CASQ1: variants seen among roughly 807,000 people sequenced by gnomAD.
CASQ1 encodes the protein calsequestrin 1.
CASQ1 carries 40 observed loss-of-function variants against 49.5 expected under a neutral mutation model. That is an observed-to-expected ratio of 0.81 (90% CI 0.63 to 1.05). CASQ1 has a LOEUF of 1.05. Ranked by LOEUF, CASQ1 falls within the 50% of genes least tolerant of loss-of-function variation. The pLI, the probability that CASQ1 is intolerant of heterozygous loss-of-function variation, is 0.00. For synonymous variants in CASQ1, 174 were observed against 187.2 expected, an observed-to-expected ratio of 0.93 and a Z score of 0.58; for missense variants, 469 against 486.9, an observed-to-expected ratio of 0.96 and a Z score of 0.35.
At chr1:160,197,409 G>A (rs563605947) in intron 6 of CASQ1, among the ~76,000 whole-genome samples, 160 bp from the exon 7 acceptor site, 106 of 152,172 alleles carry the variant, frequency 7.0e-4, no homozygotes, top group Non-Finnish European at 1.4e-3. Context: ...AATGAGCCGG[G>A]CCTGGTGCCC....
intron 1 of CASQ1, among the ~76,000 whole-genome samples, chr1:160,192,002 G>A (rs529245305): frequency 1.8e-4 from 27 of 152,230 alleles, no homozygotes; most frequent in South Asian, 6.2e-4. Flanking sequence ...CCTGCCAACC[G>A]CCTCCCTTCC....
chr1:160,194,524 C>G (rs1311901172), intron 3 of CASQ1, among the ~76,000 whole-genome samples: 1 of 148,642 alleles, frequency 6.7e-6, no homozygotes, highest in East Asian at 2.0e-4. Context: ...CACATGCACA[C>G]ACACCGTACA....
At chr1:160,199,161 G>T in intron 9 of CASQ1, 108 bp downstream of exon 9, 1 of 778,436 alleles carries the variant, frequency 1.3e-6, no homozygotes. Flanking sequence ...TCCTAGCTGG[G>T]GGGCCCTGGG....
At chr1:160,197,368 AC>A (rs1391882874) in intron 6 of CASQ1, among the ~76,000 whole-genome samples, 200 bp from the exon 7 acceptor site, 1 of 151,370 alleles carries the variant, frequency 6.6e-6, no homozygotes, top group African/African-American at 2.4e-5. Context: ...CCCTTTGCCC[AC>A]CCTCCCCTCT....
At position 160,190,748 on chromosome 1, in the gene CASQ1, C is replaced by T; in HGVS notation, c.-4C>T. ...GGAGAGCCAACCCAGATCCCACTACCTCCATGAGTGCTACAGACAGGATGG... is the reference window on the plus strand; with the variant it reads ...GGAGAGCCAACCCAGATCCCACTACTTCCATGAGTGCTACAGACAGGATGG... On this transcript the variant is annotated 5_prime_UTR_variant, in exon 1 of 11. Transcript: ENST00000368078. 1.2e-6 allele frequency: 2 copies of T among 1,612,724 alleles called. No individual in the cohort carries two copies. The highest frequency in any genetic ancestry group is 1.7e-6 in the Non-Finnish European group (2 of 1,178,970).
chr1:160,197,829 T>C (rs755976266), intron 7 of CASQ1, among the ~76,000 whole-genome samples: 2 of 151,756 alleles, frequency 1.3e-5, no homozygotes, highest in East Asian at 3.9e-4. Flanking sequence ...CCATCCTGGC[T>C]AACACAGTGA....
At chr1:160,196,870 T>G (rs143882878) in intron 6 of CASQ1, among the ~76,000 whole-genome samples, 12 of 152,292 alleles carry the variant, frequency 7.9e-5, no homozygotes, top group African/African-American at 2.6e-4. Context: ...CTCCAAAGGA[T>G]GTTTGGCAAT....
rs965971963 is a variant in CASQ1, at chr1:160,195,479, A to G, written c.596A>G (p.Asp199Gly). The G allele has an allele frequency of 4.3e-6, 7 of 1,613,802 alleles. No individual in the cohort carries two copies. The highest frequency in any genetic ancestry group is 2.2e-5 in the East Asian group (1 of 44,880). ...KDSEHYKAFE[D>G]AAEEFHPYIP... Reference sequence around the variant, plus strand: ...CCCCCAGATTACAAAGCCTTCGAGGATGCAGCTGAGGAGTTTCATCCCTAC... The same window carrying G: ...CCCCCAGATTACAAAGCCTTCGAGGGTGCAGCTGAGGAGTTTCATCCCTAC... The change falls in exon 5 of 11, where the codon GAT (aspartate) becomes GGT (glycine). Residue 199 changes from aspartate (D) to glycine (G), a missense_variant. Transcript: ENST00000368078.
chr1:160,196,241 C>A (rs1391397540), intron 6 of CASQ1, among the ~76,000 whole-genome samples: 1 of 152,094 alleles, frequency 6.6e-6, no homozygotes, highest in Non-Finnish European at 1.5e-5. Context: ...CCGAGAGGGT[C>A]CTTCATAAGT....
intron 3 of CASQ1, among the ~76,000 whole-genome samples, chr1:160,194,650 A>G (rs1654175431): frequency 6.7e-6 from 1 of 150,242 alleles, no homozygotes. Context: ...ATTCACACAC[A>G]TCACACACAT....
Position 160,201,609 on chromosome 1 carries a change from A to G in CASQ1, c.*233A>G. The G allele has an allele frequency of 1.7e-6, 1 of 574,236 alleles. No individual in the cohort carries two copies. Among genetic ancestry groups the G allele is most frequent in the South Asian group, 2.1e-5 (1 of 47,932 alleles). 35.6% of individuals were successfully genotyped at this position (574,236 alleles called of 1,614,324 possible). On this transcript the variant is annotated 3_prime_UTR_variant, in exon 11 of 11. Coordinates refer to ENST00000368078, the MANE Select transcript of CASQ1 (RefSeq NM_001231.5). ...TTATCTGACTTCTGTTTCTTATCCCATAACTTACTTGTATCTATTATGTGT... is the reference window on the plus strand; with the variant it reads ...TTATCTGACTTCTGTTTCTTATCCCGTAACTTACTTGTATCTATTATGTGT...
rs1390359270 is a variant in CASQ1, at chr1:160,199,179, GC to G, written c.984+127del. The G allele has an allele frequency of 1.7e-4, 120 of 697,132 alleles. 2 individuals carry two copies. The East Asian group carries it at 3.0e-3, about 17-fold the overall frequency. The allele number at this position is 697,132 out of a possible 1,614,324, so 43.2% of individuals were successfully genotyped here. The stretch of plus-strand genomic sequence containing the variant: ...TAGCTGGGGGGCCCTGGGAGGGTAT[GC>G]GTGTTGCATGCTTAAGGGCACTGTT... On this transcript the variant is annotated intron_variant, in intron 9 of 10. Coordinates refer to ENST00000368078, the MANE Select transcript of CASQ1 (RefSeq NM_001231.5).
intron 1 of CASQ1, chr1:160,192,584 A>T: frequency 1.8e-6 from 1 of 552,086 alleles, no homozygotes; most frequent in Non-Finnish European, 3.3e-6. Flanking sequence ...TAATAAGCAC[A>T]TTGCAAATGA....
chr1:160,200,641 C>T (rs1366497429), intron 10 of CASQ1, among the ~76,000 whole-genome samples: 1 of 152,140 alleles, frequency 6.6e-6, no homozygotes, highest in African/African-American at 2.4e-5. Context: ...ATATCAGGTT[C>T]CCGGAAAAGG....
intron 1 of CASQ1, chr1:160,192,600 C>A: frequency 1.7e-6 from 1 of 580,944 alleles, no homozygotes; most frequent in Non-Finnish European, 3.1e-6. Flanking sequence ...AATGAGCAAT[C>A]AATATTCATG....
intron 6 of CASQ1, 94 bp from the exon 7 acceptor site, chr1:160,197,474 TG>T: frequency 1.1e-6 from 1 of 871,122 alleles, no homozygotes; most frequent in Non-Finnish European, 2.0e-6. Context: ...GTCTGTGCCC[TG>T]GGCCTGACCT....
intron 7 of CASQ1, chr1:160,198,255 CA>C (rs1383940657): frequency 5.7e-6 from 1 of 174,884 alleles, no homozygotes; most frequent in Non-Finnish European, 1.2e-5. Flanking sequence ...CCTGTAATCC[CA>C]GCACTTTGGG....
In CASQ1 at chr1:160,192,801, G is replaced by C. The variant is rs145486953; in HGVS notation, c.280-1G>C. 2,338 of 1,613,614 alleles carry C rather than the reference G, an allele frequency of 1.4e-3. 5 individuals carry two copies. Among genetic ancestry groups the C allele is most frequent in the Non-Finnish European group, 1.8e-3 (2,123 of 1,179,618 alleles). On this transcript the variant is annotated splice_acceptor_variant, in intron 1 of 10. Coordinates refer to ENST00000368078, the MANE Select transcript of CASQ1 (RefSeq NM_001231.5). LOFTEE classifies it high-confidence loss of function. ...ATTTTAATCATAATCCTTCCCTCCA[G>C]TTAGCAGCCCAAGTCCTAGAAGACA...
At chr1:160,196,148 A>G in intron 6 of CASQ1, 121 bp downstream of exon 6, 2 of 910,492 alleles carry the variant, frequency 2.2e-6, no homozygotes, top group South Asian at 1.7e-5. Flanking sequence ...GGAGATGAAT[A>G]CACTTTGGGC....
Sources: gnomAD v4.1 joint callset for allele counts (sites outside exome capture counted in the v4.1 genomes callset) on GRCh38, gnomAD v4.1.1 for gene constraint, MANE v1.5 for transcripts, NCBI Gene and HGNC (gene_info 2026-07-23, HGNC 2026-07-21) for gene names.